The following FGFR2 variants were observed in gnomAD, a reference collection of about 807,000 sequenced individuals.
FGFR2 encodes the protein BEK fibroblast growth factor receptor.
Under a neutral mutation model 95.9 loss-of-function variants are expected in FGFR2, and 19 were observed. That is an observed-to-expected ratio of 0.20 (90% CI 0.14 to 0.29). FGFR2 has a LOEUF of 0.29. Ranked by LOEUF, FGFR2 falls within the 10% of genes least tolerant of loss-of-function variation. FGFR2 has a pLI of 1.00. For missense variants in FGFR2, 707 were observed against 1,056.9 expected (o/e 0.67, Z 4.59); for synonymous variants, 392 against 393.3 (o/e 1.00, Z 0.04).
At chr10:121,503,249 C>T (rs555918832) in intron 10 of FGFR2, among the ~76,000 whole-genome samples, 1 of 152,338 alleles carries the variant, frequency 6.6e-6, no homozygotes, top group African/African-American at 2.4e-5. Context: ...GATTGGCACA[C>T]CTCTGTATCA....
rs1845052533 is a variant in FGFR2, at chr10:121,483,708, G to GT, written c.2290dup (p.Thr764AsnfsTer4). On this transcript the variant is annotated frameshift_variant, in exon 17 of 18. Transcript: ENST00000358487. LOFTEE classifies it high-confidence loss of function. ...GAAGGAAGTTCTTACCTCATTGGTT[G>GT]TGAGAGTGAGAATTCGATCCAAGTC... 6.2e-7 allele frequency: 1 copy of GT among 1,613,280 alleles called. No homozygotes were observed. The highest frequency in any genetic ancestry group is 1.3e-5 in the African/African-American group (1 of 74,920).
rs748609936 is a variant in FGFR2 at position 121,487,432 on chromosome 10, T to C, written c.1987-8A>G. ...CTTGACTGGAAGCCGCCCCTGCAAA[T>C]GTAGAGGAAAATGCAAAAACTAAAT... On this transcript the variant is annotated splice_region_variant and splice_polypyrimidine_tract_variant and intron_variant, in intron 14 of 17. Coordinates refer to ENST00000358487, the MANE Select transcript of FGFR2 (RefSeq NM_000141.5). 1.3e-5 allele frequency: 21 copies of C among 1,613,210 alleles called. No individual in the cohort carries two copies. The highest frequency in any genetic ancestry group is 1.7e-5 in the Non-Finnish European group (20 of 1,179,464).
chr10:121,574,017 C>A (rs1859288284), intron 2 of FGFR2, among the ~76,000 whole-genome samples: 1 of 152,174 alleles, frequency 6.6e-6, no homozygotes, highest in African/African-American at 2.4e-5. Context: ...CCTCCCTGGT[C>A]CAGTAACCCC....
At chr10:121,597,317 C>T (rs1255838165) in intron 1 of FGFR2, among the ~76,000 whole-genome samples, 1 of 152,248 alleles carries the variant, frequency 6.6e-6, no homozygotes, top group South Asian at 2.1e-4. Context: ...TGCGGCAGAG[C>T]AGGCAGGCGA....
rs116268581 is a variant in FGFR2 at position 121,535,124 on chromosome 10, A to G, written c.748+3468T>C. On this transcript the variant is annotated intron_variant, in intron 6 of 17. Coordinates refer to ENST00000358487, the MANE Select transcript of FGFR2 (RefSeq NM_000141.5). ...TGACTACATGAAGATGGAGGCAGAGATTGGAGCGGTGCCTCTACAAGCCAA... is the reference window on the plus strand; with the variant it reads ...TGACTACATGAAGATGGAGGCAGAGGTTGGAGCGGTGCCTCTACAAGCCAA... Among the ~76,000 whole-genome samples the G allele has an allele frequency of 2.2e-3, 342 of 152,320 alleles. 1 individual carries two copies. Among genetic ancestry groups the G allele is most frequent in the African/African-American group, 7.7e-3 (320 of 41,574 alleles).
intron 13 of FGFR2, among the ~76,000 whole-genome samples, chr10:121,490,872 G>A (rs1215772914): frequency 1.3e-5 from 2 of 152,156 alleles, no homozygotes; most frequent in African/African-American, 4.8e-5. Context: ...GCCCAGAAGC[G>A]GGAAAGCAAG....
chr10:121,566,055 ATGTTT>A (rs1857626015), intron 2 of FGFR2: 2 of 398,702 alleles, frequency 5.0e-6, no homozygotes, highest in African/African-American at 4.1e-5. Context: ...TTATTGTGGT[ATGTTT>A]TATTTGTAAG....
chr10:121,565,906 A>C, intron 2 of FGFR2: 1 of 631,436 alleles, frequency 1.6e-6, no homozygotes, highest in Non-Finnish European at 2.8e-6. Flanking sequence ...ATACCCCCAG[A>C]AAATCTGTCC....
chr10:121,568,697 G>A (rs1858079146), intron 2 of FGFR2, among the ~76,000 whole-genome samples: 1 of 152,206 alleles, frequency 6.6e-6, no homozygotes, highest in Non-Finnish European at 1.5e-5. Context: ...CCCGGCAAAG[G>A]AGGAGTTATG....
intron 9 of FGFR2, among the ~76,000 whole-genome samples, chr10:121,505,765 A>G (rs1370335828): frequency 6.6e-6 from 1 of 152,236 alleles, no homozygotes; most frequent in Non-Finnish European, 1.5e-5. Context: ...AGGAACTTTC[A>G]GAGAACATCA....
Position 121,485,683 on chromosome 10 carries a change from CT to C in FGFR2, c.2058-152del. On this transcript the variant is annotated intron_variant, in intron 15 of 17. Coordinates refer to ENST00000358487, the MANE Select transcript of FGFR2 (RefSeq NM_000141.5). The surrounding 1 kb of genome is among the most constrained non-coding windows in gnomAD (Gnocchi z 4.2). ...TTCCTCCTATGTGCTCTTTCCTGCC[CT>C]GCAAGAGCATCCCCGAATGATGATG... The C allele has an allele frequency of 2.0e-6, 2 of 982,594 alleles. No individual in the cohort carries two copies. The highest frequency in any genetic ancestry group is 3.1e-6 in the Non-Finnish European group (2 of 648,198). The allele number at this position is 982,594 out of a possible 1,614,324, so 60.9% of individuals were successfully genotyped here.
chr10:121,532,216 A>G (rs1852173289), intron 6 of FGFR2, among the ~76,000 whole-genome samples: 1 of 152,190 alleles, frequency 6.6e-6, no homozygotes, highest in Non-Finnish European at 1.5e-5. Context: ...AGAACCCCAC[A>G]GGGCTCTACG....
At chr10:121,556,431 C>CTCTCTCTCTG (rs1207024727) in intron 4 of FGFR2, among the ~76,000 whole-genome samples, 12 of 151,148 alleles carry the variant, frequency 7.9e-5, no homozygotes, top group African/African-American at 2.4e-4. Context: ...CTCTCTCTCT[C>CTCTCTCTCTG]TCTGGAACCA....
In FGFR2 at chr10:121,565,668, A is replaced by C. The variant is rs1372877545; in HGVS notation, c.146T>G (p.Val49Gly). The change falls in exon 3 of 18, where the codon GTG (valine) becomes GGG (glycine). Residue 49 changes from valine to glycine, a missense_variant. Val to Gly is a moderately radical substitution (Grantham distance 109). This residue lies in a region of FGFR2 where 178 missense variants were observed against 194.1 expected (regional missense o/e 0.92). Transcript: ENST00000358487. ...CGACTCCCCTGGCGCAGCCACGTAC[A>C]CTTCTGGTTGAGAGATTTGGTATTT... ...PTKYQISQPE[V>G]YVAAPGESLE... 2 of 1,614,196 alleles carry C rather than the reference A, an allele frequency of 1.2e-6. No homozygotes were observed. The highest frequency in any genetic ancestry group is 1.7e-6 in the Non-Finnish European group (2 of 1,180,036).
At chr10:121,597,310 G>A (rs946790882) in intron 1 of FGFR2, among the ~76,000 whole-genome samples, 1 of 152,226 alleles carries the variant, frequency 6.6e-6, no homozygotes, top group South Asian at 2.1e-4. Flanking sequence ...CAGCCGCTGC[G>A]GCAGAGCAGG....
rs1038026834 is a variant in FGFR2 at position 121,531,927 on chromosome 10, G to A, written c.748+6665C>T. Among the ~76,000 whole-genome samples, 38 of 152,304 alleles carry A rather than the reference G, an allele frequency of 2.5e-4. No individual in the cohort carries two copies. The highest frequency in any genetic ancestry group is 8.3e-4 in the South Asian group (4 of 4,832). On this transcript the variant is annotated intron_variant, in intron 6 of 17. Coordinates refer to ENST00000358487, the MANE Select transcript of FGFR2 (RefSeq NM_000141.5). This position sits in a 1 kb window ranked among gnomAD's most constrained non-coding sequence, Gnocchi z 4.5. ...TCCTCCTCAACTCCGCTCCGGTTCC[G>A]TGATCTGTCAACTAAATAAGCCCAC...
At chr10:121,558,718 C>T (rs1361208984) in intron 4 of FGFR2, among the ~76,000 whole-genome samples, 1 of 151,784 alleles carries the variant, frequency 6.6e-6, no homozygotes, top group African/African-American at 2.4e-5. Context: ...AGTGATTCTC[C>T]TGCCTCAGCC....
chr10:121,520,300 G>A, intron 6 of FGFR2, 131 bp from the exon 7 acceptor site: 1 of 857,804 alleles, frequency 1.2e-6, no homozygotes, highest in East Asian at 2.7e-5. Flanking sequence ...TGACACCTTT[G>A]AAATAACACT....
chr10:121,581,242 C>T (rs1030056443), intron 2 of FGFR2, among the ~76,000 whole-genome samples: 10 of 152,312 alleles, frequency 6.6e-5, no homozygotes, highest in Admixed American at 2.0e-4. Context: ...CCCAGCTGCA[C>T]GCATTCACTC....
Sources: allele counts gnomAD v4.1 joint callset (sites outside exome capture counted in the v4.1 genomes callset), GRCh38; gene constraint gnomAD v4.1.1; regional missense constraint gnomAD v4.1.1; non-coding constraint Gnocchi (gnomAD v3.1); transcripts MANE v1.5; gene names NCBI Gene and HGNC (gene_info 2026-07-23, HGNC 2026-07-21).